The following RIN2 variants were observed in gnomAD, a reference collection of about 807,000 sequenced individuals.
The protein encoded by RIN2 is Ras and Rab interactor 2, also known as RAB5 interacting protein 2.
Under a neutral mutation model 78.0 loss-of-function variants are expected in RIN2, and 36 were observed. That is an observed-to-expected ratio of 0.46 (90% CI 0.35 to 0.61). The LOEUF is 0.61. RIN2 is among the 20% of genes least tolerant of loss of function. The pLI, the probability that RIN2 is intolerant of heterozygous loss-of-function variation, is 0.00. For synonymous variants in RIN2, 466 were observed against 466.8 expected (o/e 1.00, Z 0.02); for missense variants, 1,087 against 1,159.7 (o/e 0.94, Z 0.91).
chr20:19,901,702 A>G (rs2038989487), intron 3 of RIN2, among the ~76,000 whole-genome samples: 1 of 152,128 alleles, frequency 6.6e-6, no homozygotes, highest in Non-Finnish European at 1.5e-5. Flanking sequence ...TTATTCAATT[A>G]CTTTGTAATA....
chr20:19,821,418 C>A (rs1054617597), intron 2 of RIN2, among the ~76,000 whole-genome samples: 1 of 152,118 alleles, frequency 6.6e-6, no homozygotes, highest in Non-Finnish European at 1.5e-5. Flanking sequence ...CATTCCCCTA[C>A]CTGCTTGGCC....
chr20:19,824,898 T>G (rs771575817), intron 2 of RIN2, among the ~76,000 whole-genome samples: 81 of 152,150 alleles, frequency 5.3e-4, no homozygotes, highest in Non-Finnish European at 1.1e-3. Context: ...GATCTCCTCC[T>G]CTAGCCATGG....
intron 2 of RIN2, chr20:19,823,385 CTGCTTTTTTTTTTTTCT>C: frequency 3.4e-6 from 2 of 583,974 alleles, no homozygotes; most frequent in African/African-American, 2.8e-5. Context: ...TCTGCTCTGC[CTGCTTTTTTTTTTTTCT>C]TTTTTTGTCA....
intron 2 of RIN2, among the ~76,000 whole-genome samples, chr20:19,875,420 C>T (rs2037826099): frequency 6.6e-6 from 1 of 152,114 alleles, no homozygotes; most frequent in African/African-American, 2.4e-5. Flanking sequence ...CCACCTCAGC[C>T]TCCCAAAGTG....
At chr20:19,914,769 T>A (rs2039617023) in intron 3 of RIN2, among the ~76,000 whole-genome samples, 2 of 152,184 alleles carry the variant, frequency 1.3e-5, no homozygotes, top group Non-Finnish European at 2.9e-5. Flanking sequence ...ACCTGCACCT[T>A]CACCAGGTCC....
intron 3 of RIN2, among the ~76,000 whole-genome samples, chr20:19,896,889 G>T (rs6046434): frequency 6.6e-6 from 1 of 151,998 alleles, no homozygotes; most frequent in Non-Finnish European, 1.5e-5. Flanking sequence ...ATTGTATTTG[G>T]CCTAATATAT....
At chr20:19,967,703 A>G (rs1316350377) in intron 7 of RIN2, among the ~76,000 whole-genome samples, 1 of 152,180 alleles carries the variant, frequency 6.6e-6, no homozygotes, top group Non-Finnish European at 1.5e-5. Flanking sequence ...AGTCATTTGG[A>G]GTCTTGCTAA....
chr20:19,967,015 T>C (rs1359402063), intron 7 of RIN2, among the ~76,000 whole-genome samples: 1 of 152,176 alleles, frequency 6.6e-6, no homozygotes, highest in East Asian at 1.9e-4. Flanking sequence ...TGCTAACACG[T>C]TGGCCAGGGG....
intron 2 of RIN2, among the ~76,000 whole-genome samples, chr20:19,819,097 T>C (rs2035856580): frequency 6.6e-6 from 1 of 152,242 alleles, no homozygotes; most frequent in Non-Finnish European, 1.5e-5. Context: ...GACATTTATT[T>C]CTAGGTGGGA....
At chr20:19,922,117 C>T (rs536252873) in intron 3 of RIN2, among the ~76,000 whole-genome samples, 2 of 152,286 alleles carry the variant, frequency 1.3e-5, no homozygotes, top group East Asian at 1.9e-4. Context: ...CTATTCGCCT[C>T]GGCCTCCCAA....
chr20:19,793,961 G>A (rs1044886291), intron 1 of RIN2, among the ~76,000 whole-genome samples: 4 of 152,176 alleles, frequency 2.6e-5, no homozygotes, highest in African/African-American at 9.7e-5. Context: ...GTCCAGTCAT[G>A]AAGATAACAC....
intron 1 of RIN2, among the ~76,000 whole-genome samples, chr20:19,771,351 A>G (rs1289869253): frequency 6.6e-6 from 1 of 152,214 alleles, no homozygotes; most frequent in African/African-American, 2.4e-5. Context: ...TTGGAGTTGT[A>G]TGGCAGGAAA....
chr20:19,995,379 G>A (rs1404038480), intron 11 of RIN2, among the ~76,000 whole-genome samples: 1 of 151,660 alleles, frequency 6.6e-6, no homozygotes, highest in Non-Finnish European at 1.5e-5. Context: ...GAGATTCAAT[G>A]AGTATTTTGA....
chr20:19,983,162 C>T (rs1173519422), intron 9 of RIN2, among the ~76,000 whole-genome samples: 4 of 152,196 alleles, frequency 2.6e-5, no homozygotes, highest in Non-Finnish European at 5.9e-5. Context: ...ACATACTGAG[C>T]TTTCACTCAA....
At chr20:19,957,091 G>C (rs1445205964) in intron 5 of RIN2, among the ~76,000 whole-genome samples, 1 of 152,146 alleles carries the variant, frequency 6.6e-6, no homozygotes, top group Non-Finnish European at 1.5e-5. Context: ...CCAGAAGCCT[G>C]GGTCTGACCT....
chr20:19,765,139 C>T (rs1432415080), intron 1 of RIN2, among the ~76,000 whole-genome samples: 1 of 151,906 alleles, frequency 6.6e-6, no homozygotes, highest in African/African-American at 2.4e-5. Context: ...CGTGAGCCAC[C>T]GTGCCAGGCC....
chr20:19,922,663 A>ACT (rs2039973465), intron 3 of RIN2, among the ~76,000 whole-genome samples: 1 of 152,070 alleles, frequency 6.6e-6, no homozygotes, highest in African/African-American at 2.4e-5. Flanking sequence ...TATTCTGTCC[A>ACT]CTGTAAGTCC....
At chr20:19,820,436 C>A (rs977675948) in intron 2 of RIN2, among the ~76,000 whole-genome samples, 3 of 152,134 alleles carry the variant, frequency 2.0e-5, no homozygotes, top group Non-Finnish European at 2.9e-5. Context: ...CCCTTAAACC[C>A]CCTCAAAACA....
chr20:19,875,958 G>A (rs2037842823), intron 2 of RIN2, among the ~76,000 whole-genome samples: 2 of 152,218 alleles, frequency 1.3e-5, no homozygotes, highest in African/African-American at 2.4e-5. Flanking sequence ...ACTGATGTGA[G>A]GAGGAAAGTA....
Sources: gnomAD v4.1 joint callset for allele counts (sites outside exome capture counted in the v4.1 genomes callset) on GRCh38, gnomAD v4.1.1 for gene constraint, MANE v1.5 for transcripts, NCBI Gene and HGNC (gene_info 2026-07-23, HGNC 2026-07-21) for gene names.